Variants in STXBP5L observed in about 807,000 individuals in gnomAD.
STXBP5L encodes the protein syntaxin-binding protein 5-like.
STXBP5L carries 65 observed loss-of-function variants against 144.5 expected under a neutral mutation model. That is an observed-to-expected ratio of 0.45 (90% CI 0.37 to 0.55). The LOEUF (loss-of-function observed/expected upper bound fraction) is 0.55, where lower values mean the gene tolerates loss of function less well. Among genes scored for constraint, STXBP5L ranks in the 20% least tolerant of loss-of-function variants. The probability of loss-of-function intolerance (pLI) is 0.00; values close to 1 mark genes in which losing one functional copy is unlikely to be tolerated. For missense variants in STXBP5L, 1,298 were observed against 1,405.5 expected (o/e 0.92, Z 1.22); for synonymous variants, 505 against 469.6 (o/e 1.08, Z -0.97).
intron 11 of STXBP5L, among the ~76,000 whole-genome samples, chr3:121,225,665 A>G (rs539322502): frequency 1.3e-5 from 2 of 152,284 alleles, no homozygotes; most frequent in East Asian, 3.9e-4. Flanking sequence ...GCCAGGGTTA[A>G]GGAGGACTAA....
intron 5 of STXBP5L, among the ~76,000 whole-genome samples, chr3:121,084,795 T>A (rs2042412706): frequency 6.6e-6 from 1 of 152,058 alleles, no homozygotes; most frequent in Admixed American, 6.6e-5. Context: ...TGTCTTCCAC[T>A]CTTTAAAATG....
chr3:120,913,960 T>A (rs1295198823), intron 2 of STXBP5L, among the ~76,000 whole-genome samples: 1 of 152,036 alleles, frequency 6.6e-6, no homozygotes, highest in Non-Finnish European at 1.5e-5. Context: ...TTGGAGTTGC[T>A]TTTATGAAAT....
At chr3:121,048,420 G>A (rs558140825) in intron 5 of STXBP5L, among the ~76,000 whole-genome samples, 18 of 152,116 alleles carry the variant, frequency 1.2e-4, no homozygotes, top group Non-Finnish European at 2.2e-4. Flanking sequence ...GTTTTCATGG[G>A]TGATATTCTG....
intron 9 of STXBP5L, among the ~76,000 whole-genome samples, chr3:121,193,367 G>C (rs1275948920): frequency 7.0e-6 from 1 of 142,924 alleles, no homozygotes; most frequent in Non-Finnish European, 1.5e-5. Flanking sequence ...CTTTTACACT[G>C]TTAGTGGGAG....
intron 2 of STXBP5L, among the ~76,000 whole-genome samples, chr3:120,910,595 A>G (rs562550124): frequency 6.6e-6 from 1 of 152,170 alleles, no homozygotes; most frequent in East Asian, 1.9e-4. Flanking sequence ...ATATAAATGA[A>G]TATAGTTTTG....
chr3:121,403,066 C>T (rs1257399676), intron 22 of STXBP5L, among the ~76,000 whole-genome samples: 1 of 152,164 alleles, frequency 6.6e-6, no homozygotes, highest in Admixed American at 6.6e-5. Context: ...CAGCAATCAC[C>T]ATGTGTCCTC....
chr3:121,408,642 C>T (rs1243311141), intron 23 of STXBP5L, among the ~76,000 whole-genome samples: 2 of 151,862 alleles, frequency 1.3e-5, no homozygotes, highest in African/African-American at 4.8e-5. Context: ...TTGTTGACGA[C>T]CTTGAATGTC....
At chr3:121,105,652 C>G (rs192337216) in intron 5 of STXBP5L, among the ~76,000 whole-genome samples, 614 of 151,892 alleles carry the variant, frequency 4.0e-3, no homozygotes, top group Non-Finnish European at 7.5e-3. Flanking sequence ...ATGGAGATTC[C>G]TTAAATAACT....
intron 3 of STXBP5L, among the ~76,000 whole-genome samples, chr3:121,020,116 G>C (rs942702478): frequency 6.6e-6 from 1 of 152,040 alleles, no homozygotes; most frequent in African/African-American, 2.4e-5. Context: ...AACACACTTA[G>C]AAAATTACAA....
At chr3:121,337,643 C>T (rs1311906994) in intron 20 of STXBP5L, among the ~76,000 whole-genome samples, 2 of 152,046 alleles carry the variant, frequency 1.3e-5, no homozygotes, top group Non-Finnish European at 2.9e-5. Flanking sequence ...CAGCACTAGA[C>T]AGATAATCAA....
intron 5 of STXBP5L, among the ~76,000 whole-genome samples, chr3:121,106,682 T>A (rs1467159274): frequency 6.6e-6 from 1 of 152,214 alleles, no homozygotes; most frequent in East Asian, 1.9e-4. Context: ...TTTGGTATAA[T>A]GAATAGTGCT....
intron 18 of STXBP5L, among the ~76,000 whole-genome samples, chr3:121,273,000 C>T (rs1014027130): frequency 1.7e-4 from 26 of 151,904 alleles, no homozygotes; most frequent in Non-Finnish European, 7.4e-5. Flanking sequence ...ACTTTTAATA[C>T]TTTTGTCTTT....
At chr3:121,223,854 G>C (rs998180882) in intron 11 of STXBP5L, among the ~76,000 whole-genome samples, 1 of 152,056 alleles carries the variant, frequency 6.6e-6, no homozygotes, top group Non-Finnish European at 1.5e-5. Context: ...CCAGCACTTT[G>C]AGAGGCCAAG....
Position 121,298,853 on chromosome 3 carries a change from T to C in STXBP5L, c.2110+18897T>C, listed in dbSNP as rs182952985. On this transcript the variant is annotated intron_variant, in intron 19 of 26. Transcript: ENST00000471454. ...TATCTGCTGTGCAACAGTGTGAATA[T>C]GGTAAACAGTACTGTAATGTACACT... Among the ~76,000 whole-genome samples the C allele has an allele frequency of 4.9e-4, 75 of 152,346 alleles. 1 individual carries two copies. Among genetic ancestry groups the C allele is most frequent in the African/African-American group, 1.8e-3 (73 of 41,592 alleles).
intron 3 of STXBP5L, among the ~76,000 whole-genome samples, chr3:120,971,194 T>A (rs1245052361): frequency 6.6e-6 from 1 of 152,190 alleles, no homozygotes; most frequent in African/African-American, 2.4e-5. Context: ...CTCTGCAGCC[T>A]TATGGTACCA....
At chr3:121,397,533 C>T (rs2046761203) in intron 22 of STXBP5L, among the ~76,000 whole-genome samples, 1 of 152,196 alleles carries the variant, frequency 6.6e-6, no homozygotes, top group South Asian at 2.1e-4. Flanking sequence ...GTTCTGGACG[C>T]TTAACAATGG....
At chr3:121,206,907 A>G (rs552937525) in intron 10 of STXBP5L, among the ~76,000 whole-genome samples, 1 of 152,376 alleles carries the variant, frequency 6.6e-6, no homozygotes, top group South Asian at 2.1e-4. Flanking sequence ...GAGAATTACC[A>G]TAATAAATCT....
At chr3:121,068,045 C>G (rs2041630651) in intron 5 of STXBP5L, among the ~76,000 whole-genome samples, 1 of 152,242 alleles carries the variant, frequency 6.6e-6, no homozygotes, top group Non-Finnish European at 1.5e-5. Context: ...GAGTCTCACT[C>G]TGTCACCAGG....
At chr3:121,372,020 A>T (rs2046045561) in intron 20 of STXBP5L, among the ~76,000 whole-genome samples, 2 of 152,190 alleles carry the variant, frequency 1.3e-5, no homozygotes, top group South Asian at 4.1e-4. Flanking sequence ...CTGGCAAAGC[A>T]ATGTGGAGGT....
Sources: gnomAD v4.1 joint callset for allele counts (sites outside exome capture counted in the v4.1 genomes callset) on GRCh38, gnomAD v4.1.1 for gene constraint, MANE v1.5 for transcripts, NCBI Gene and HGNC (gene_info 2026-07-23, HGNC 2026-07-21) for gene names.